The following USH2A variants were observed in gnomAD, a reference collection of about 807,000 sequenced individuals.
USH2A encodes the protein Usher syndrome 2A (autosomal recessive, mild).
In USH2A, 443 loss-of-function variants were observed where a neutral mutation model predicts 538.9. The observed-to-expected ratio is 0.82, with a 90% confidence interval of 0.76 to 0.89. The LOEUF is 0.89. Among genes scored for constraint, USH2A ranks in the 40% least tolerant of loss-of-function variants. The pLI, the probability that USH2A is intolerant of heterozygous loss-of-function variation, is 0.00. For missense variants in USH2A, 6,633 were observed against 6,324.8 expected (o/e 1.05, Z -1.65); for synonymous variants, 2,413 against 2,273.5 (o/e 1.06, Z -1.75).
intron 40 of USH2A, among the ~76,000 whole-genome samples, chr1:215,898,036 T>C (rs2102467935): frequency 6.6e-6 from 1 of 152,280 alleles, no homozygotes; most frequent in Admixed American, 6.5e-5. Context: ...ACATCTAAAA[T>C]ATACAGTACC....
At chr1:216,414,144 A>G (rs1041776185) in intron 3 of USH2A, among the ~76,000 whole-genome samples, 7 of 152,152 alleles carry the variant, frequency 4.6e-5, no homozygotes, top group Non-Finnish European at 1.0e-4. Flanking sequence ...TTTTGCTAAT[A>G]TGATCAGTGT....
chr1:216,291,360 A>G (rs139221614), intron 10 of USH2A, among the ~76,000 whole-genome samples: 17 of 152,244 alleles, frequency 1.1e-4, no homozygotes, highest in Admixed American at 3.9e-4. Flanking sequence ...GTTAACTCCT[A>G]CTGTCCTTGC....
At chr1:216,374,109 G>T (rs1255103560) in intron 3 of USH2A, among the ~76,000 whole-genome samples, 1 of 116,228 alleles carries the variant, frequency 8.6e-6, no homozygotes, top group Admixed American at 1.0e-4. Flanking sequence ...TTTGTGGGGT[G>T]GGGGGAGGGG....
chr1:215,812,766 T>A (rs1424971437), intron 49 of USH2A, among the ~76,000 whole-genome samples: 1 of 152,190 alleles, frequency 6.6e-6, no homozygotes, highest in African/African-American at 2.4e-5. Context: ...CAGGATAAAT[T>A]GTAACTGACA....
chr1:216,196,533 T>A lies in USH2A; in HGVS notation c.4251+20A>T, dbSNP rs1432831768. On this transcript the variant is annotated intron_variant, in intron 19 of 71. Transcript: ENST00000307340. ...GCCCTAAGCCAATTCTGAAAGGACA[T>A]TAGTTAAAAATAACAATACCTGTGA... 6.2e-7 allele frequency: 1 copy of A among 1,612,906 alleles called. No individual in the cohort carries two copies. Among genetic ancestry groups the A allele is most frequent in the Non-Finnish European group, 8.5e-7 (1 of 1,179,246 alleles).
chr1:215,680,273 G>A lies in USH2A; in HGVS notation c.12170C>T (p.Thr4057Ile), dbSNP rs148959964. 1.2e-6 allele frequency: 2 copies of A among 1,614,022 alleles called. No individual in the cohort carries two copies. The highest frequency in any genetic ancestry group is 1.3e-5 in the African/African-American group (1 of 74,910). The change falls in exon 62 of 72, where the codon ACT becomes ATT. Residue 4057 changes from threonine to isoleucine, a missense_variant. Coordinates refer to ENST00000307340, the MANE Select transcript of USH2A (RefSeq NM_206933.4). The stretch of plus-strand genomic sequence containing the variant: ...GGAAGATTCTAAGGTTTGAATCAGA[G>A]TCCAAGGGCTTAAAATTTCTCCTGC... ...NHAGEILSPW[T>I]LIQTLESSPS...
intron 11 of USH2A, among the ~76,000 whole-genome samples, chr1:216,267,218 C>T (rs1402421447): frequency 6.6e-6 from 1 of 152,042 alleles, no homozygotes; most frequent in Non-Finnish European, 1.5e-5. Flanking sequence ...GAGTGATCAA[C>T]TGTGTCAAAT....
At chr1:216,413,750 G>A (rs1288106434) in intron 3 of USH2A, among the ~76,000 whole-genome samples, 1 of 152,012 alleles carries the variant, frequency 6.6e-6, no homozygotes, top group African/African-American at 2.4e-5. Context: ...CATAGAAAAT[G>A]TGAACAAGCC....
At chr1:216,332,505 C>A (rs975436442) in intron 4 of USH2A, among the ~76,000 whole-genome samples, 1 of 152,022 alleles carries the variant, frequency 6.6e-6, no homozygotes, top group South Asian at 2.1e-4. Context: ...CAGGTATATG[C>A]GCATGCTAAA....
chr1:215,965,225 TA>T (rs1558185200), intron 37 of USH2A, 91 bp downstream of exon 37: 9 of 1,416,350 alleles, frequency 6.4e-6, no homozygotes, highest in Non-Finnish European at 8.8e-6. Flanking sequence ...CATCTGTGGC[TA>T]AAAGAAAGAT....
intron 35 of USH2A, among the ~76,000 whole-genome samples, chr1:215,978,811 C>A (rs141950486): frequency 6.6e-5 from 10 of 152,140 alleles, no homozygotes; most frequent in African/African-American, 2.4e-4. Context: ...TATGATGAAG[C>A]TAAGTCTCCC....
chr1:215,636,415 C>G (rs970124595), intron 69 of USH2A, among the ~76,000 whole-genome samples: 17 of 152,226 alleles, frequency 1.1e-4, no homozygotes, highest in Non-Finnish European at 2.4e-4. Flanking sequence ...CTTTGCTTCT[C>G]ATCTCTAAAA....
rs147532612 is a variant in USH2A, at chr1:215,648,697, C to T, written c.14413G>A (p.Val4805Ile). 1.0e-4 allele frequency: 169 copies of T among 1,614,206 alleles called. 1 individual carries two copies. The highest frequency in any genetic ancestry group is 9.0e-4 in the Admixed American group (54 of 60,024). ...LQAFTNYSIG[V>I]EACTCFNCCS... ...CAGTTGAAGCAGGTGCAGGCCTCTACTCCAATAGAGTAGTTAGTGAAGGCT... is the reference window on the plus strand; with the variant it reads ...CAGTTGAAGCAGGTGCAGGCCTCTATTCCAATAGAGTAGTTAGTGAAGGCT... Residue 4805 changes from valine to isoleucine, a missense_variant, in exon 66 of 72, where the codon GTA (valine) becomes ATA (isoleucine). Coordinates refer to ENST00000307340, the MANE Select transcript of USH2A (RefSeq NM_206933.4).
In USH2A at chr1:215,836,535, TATATATAATATA is replaced by T. The variant is rs1663526342; in HGVS notation, c.9371+1444_9371+1455del. Among the ~76,000 whole-genome samples the T allele has an allele frequency of 8.3e-5, 2 of 24,242 alleles. 1 individual carries two copies. Among genetic ancestry groups the T allele is most frequent in the Non-Finnish European group, 1.4e-4 (2 of 14,364 alleles). The allele number at this position is 24,242 out of a possible 152,430, so 15.9% of individuals were successfully genotyped here. A position where few individuals can be genotyped will look rare whatever the true frequency, so the allele number is the denominator to read the frequency against. ...ATATATATAATATATATTATATATATATATATAATATATATATATATATATATATATTTTTTT... is the reference window on the plus strand; with the variant it reads ...ATATATATAATATATATTATATATATTATATATATATATATATATTTTTTT... On this transcript the variant is annotated intron_variant, in intron 47 of 71. Coordinates refer to ENST00000307340, the MANE Select transcript of USH2A (RefSeq NM_206933.4).
Position 216,359,977 on chromosome 1 carries a change from C to T in USH2A, c.784+4976G>A, listed in dbSNP as rs539936234. On this transcript the variant is annotated intron_variant, in intron 4 of 71. Coordinates refer to ENST00000307340, the MANE Select transcript of USH2A (RefSeq NM_206933.4). ...TTTCATTGCTGATAGGAATGTAAAA[C>T]GATATAGTCATTTTGGAAGACAATT... Among the ~76,000 whole-genome samples, 10 of 152,078 alleles carry T rather than the reference C, an allele frequency of 6.6e-5. No individual in the cohort carries two copies. In the South Asian group the frequency reaches 1.2e-3, roughly 19 times the overall value.
Position 216,263,048 on chromosome 1 carries a change from G to A in USH2A, c.1972-11950C>T, listed in dbSNP as rs187391553. 7.2e-5 allele frequency among the ~76,000 whole-genome samples: 11 copies of A among 152,166 alleles called. No individual in the cohort carries two copies. The East Asian group carries it at 2.1e-3, about 29-fold the overall frequency. On this transcript the variant is annotated intron_variant, in intron 11 of 71. Transcript: ENST00000307340. ...CCTAGAAGAAATGGATAAATTTGTG[G>A]ATACATACAACTGGCCAAAATTGAA...
At chr1:215,783,481 T>A (rs1661706355) in intron 52 of USH2A, among the ~76,000 whole-genome samples, 1 of 152,186 alleles carries the variant, frequency 6.6e-6, no homozygotes, top group South Asian at 2.1e-4. Flanking sequence ...GTTCCTTCCC[T>A]CTTCCACAAA....
chr1:215,982,533 G>A (rs1283072895), intron 35 of USH2A, among the ~76,000 whole-genome samples: 1 of 152,174 alleles, frequency 6.6e-6, no homozygotes, highest in East Asian at 1.9e-4. Context: ...ATATTTGTAT[G>A]CTATCTTTTC....
intron 30 of USH2A, among the ~76,000 whole-genome samples, chr1:216,054,833 A>T (rs1437540775): frequency 6.6e-6 from 1 of 152,138 alleles, no homozygotes; most frequent in Admixed American, 6.5e-5. Context: ...GTCTGCATTG[A>T]TGTCACCCAG....
Sources: gnomAD v4.1 joint callset for allele counts (sites outside exome capture counted in the v4.1 genomes callset) on GRCh38, gnomAD v4.1.1 for gene constraint, MANE v1.5 for transcripts, NCBI Gene and HGNC (gene_info 2026-07-23, HGNC 2026-07-21) for gene names.